COMMD10: variants seen among roughly 807,000 people sequenced by gnomAD.
COMMD10 encodes the protein COMM domain containing 10.
COMMD10 carries 33 observed loss-of-function variants against 28.9 expected under a neutral mutation model. The ratio of observed to expected loss-of-function variants is 1.14; its 90% CI spans 0.87 to 1.53. The LOEUF (loss-of-function observed/expected upper bound fraction) is 1.53, where lower values mean the gene tolerates loss of function less well. Ranked by LOEUF, COMMD10 falls within the 40% of genes most tolerant of loss-of-function variation. COMMD10 has a pLI of 0.00. For synonymous variants in COMMD10, 110 were observed against 81.7 expected (o/e 1.35, Z -1.87); for missense variants, 310 against 233.4 (o/e 1.33, Z -2.14).
Position 116,085,107 on chromosome 5 carries a change from T to G in COMMD10, c.41+14T>G. On this transcript the variant is annotated intron_variant, in intron 1 of 6. Transcript: ENST00000274458. ...GGAGAGCCCCAGGTAGCTGATCCGT[T>G]AAGCTCTTGCGGTAGCCGCGCCCAG... 1.2e-6 allele frequency: 2 copies of G among 1,607,334 alleles called. No individual in the cohort carries two copies. The highest frequency in any genetic ancestry group is 2.2e-5 in the South Asian group (2 of 89,844).
chr5:116,196,404 T>A (rs1007997833), intron 5 of COMMD10, among the ~76,000 whole-genome samples: 1 of 152,052 alleles, frequency 6.6e-6, no homozygotes, highest in Non-Finnish European at 1.5e-5. Flanking sequence ...TGTATACTGC[T>A]TGGGTGATGG....
At chr5:116,088,541 T>G (rs1443783149) in intron 2 of COMMD10, among the ~76,000 whole-genome samples, 1 of 152,218 alleles carries the variant, frequency 6.6e-6, no homozygotes, top group Non-Finnish European at 1.5e-5. Context: ...TAGAAATCCT[T>G]AACATTGCGT....
At chr5:116,181,322 GTGTT>G (rs10602058) in intron 5 of COMMD10, among the ~76,000 whole-genome samples, 16,688 of 151,050 alleles carry the variant, frequency 0.11, 1,324 homozygotes, top group African/African-American at 0.22. Context: ...TGCTTTTGGG[GTGTT>G]TGTTTATCAG....
At chr5:116,228,342 A>G (rs952780715) in intron 5 of COMMD10, among the ~76,000 whole-genome samples, 4 of 151,978 alleles carry the variant, frequency 2.6e-5, no homozygotes, top group African/African-American at 9.7e-5. Flanking sequence ...AGAATTTTAA[A>G]ATTTAAAGTT....
At chr5:116,202,793 G>A (rs1316310063) in intron 5 of COMMD10, among the ~76,000 whole-genome samples, 1 of 151,310 alleles carries the variant, frequency 6.6e-6, no homozygotes, top group African/African-American at 2.4e-5. Flanking sequence ...TTAGCCCTTT[G>A]TCAGATGAGT....
intron 5 of COMMD10, among the ~76,000 whole-genome samples, chr5:116,162,226 TTA>T (rs1752941647): frequency 6.6e-6 from 1 of 152,216 alleles, no homozygotes; most frequent in Non-Finnish European, 1.5e-5. Flanking sequence ...TTGTTTCCAG[TTA>T]TACAGAAGTT....
chr5:116,117,290 G>C (rs1751271978), intron 4 of COMMD10, among the ~76,000 whole-genome samples: 1 of 152,090 alleles, frequency 6.6e-6, no homozygotes, highest in Non-Finnish European at 1.5e-5. Context: ...TAAATATCTA[G>C]TAATGGGGAT....
At chr5:116,099,402 G>A (rs192772961) in intron 4 of COMMD10, among the ~76,000 whole-genome samples, 5 of 147,304 alleles carry the variant, frequency 3.4e-5, no homozygotes, top group Middle Eastern at 3.5e-3. Flanking sequence ...TAATACTGCA[G>A]TGAACATGAG....
At chr5:116,280,983 A>G (rs1219909083) in intron 5 of COMMD10, among the ~76,000 whole-genome samples, 2 of 151,922 alleles carry the variant, frequency 1.3e-5, no homozygotes. Flanking sequence ...GTATTTTTAC[A>G]TTCAACTTGG....
rs187554512 is a variant in COMMD10, at chr5:116,231,812, A to G, written c.511-59705A>G. On this transcript the variant is annotated intron_variant, in intron 5 of 6. Coordinates refer to ENST00000274458, the MANE Select transcript of COMMD10 (RefSeq NM_016144.4). ...ATTAATTGGGAAATAACAGTTGAAC[A>G]TGAATATGGGAGTACTTACTTCAAG... Among the ~76,000 whole-genome samples the G allele has an allele frequency of 2.5e-3, 375 of 152,290 alleles. 1 individual carries two copies. Among genetic ancestry groups the G allele is most frequent in the Admixed American group, 7.8e-3 (120 of 15,296 alleles).
chr5:116,173,224 G>A (rs1471513682), intron 5 of COMMD10, among the ~76,000 whole-genome samples: 3 of 151,998 alleles, frequency 2.0e-5, no homozygotes, highest in Admixed American at 6.6e-5. Flanking sequence ...GAATGCCTTG[G>A]CATTAAACAG....
chr5:116,158,632 A>G (rs1752817597), intron 5 of COMMD10, among the ~76,000 whole-genome samples: 1 of 151,480 alleles, frequency 6.6e-6, no homozygotes, highest in Admixed American at 6.6e-5. Flanking sequence ...ATGGGCCGCC[A>G]TGCTTGGACA....
At chr5:116,180,538 C>T (rs1405987189) in intron 5 of COMMD10, among the ~76,000 whole-genome samples, 2 of 151,716 alleles carry the variant, frequency 1.3e-5, no homozygotes, top group African/African-American at 4.8e-5. Flanking sequence ...ATAATAGTTG[C>T]CTAGACAATA....
Position 116,108,736 on chromosome 5 carries a change from A to AAAACAAAC in COMMD10, c.399+16045_399+16052dup, listed in dbSNP as rs36074819. Reference sequence around the variant, plus strand: ...TTCCAGGTGCCATTGGGGTATGAAAAAAACAAACAAACAAACTCCTGCAGC... The same window carrying AAAACAAAC: ...TTCCAGGTGCCATTGGGGTATGAAAAAAACAAACAAACAAACAAACAAACTCCTGCAGC... On this transcript the variant is annotated intron_variant, in intron 4 of 6. Transcript: ENST00000274458. Among the ~76,000 whole-genome samples the AAAACAAAC allele has an allele frequency of 3.1e-3, 465 of 150,972 alleles. 8 individuals are homozygous for AAAACAAAC. Among genetic ancestry groups the AAAACAAAC allele is most frequent in the Admixed American group, 0.028 (423 of 15,198 alleles).
chr5:116,093,686 G>A (rs1750375732), intron 4 of COMMD10, among the ~76,000 whole-genome samples: 1 of 152,108 alleles, frequency 6.6e-6, no homozygotes. Context: ...CTTAAAATTT[G>A]TATGAAACCA....
At chr5:116,227,376 C>A (rs915525346) in intron 5 of COMMD10, among the ~76,000 whole-genome samples, 4 of 152,024 alleles carry the variant, frequency 2.6e-5, no homozygotes, top group South Asian at 4.1e-4. Context: ...CCTCTTTATT[C>A]TCCATCAGTT....
chr5:116,221,098 T>TA (rs1335169142), intron 5 of COMMD10, among the ~76,000 whole-genome samples: 8 of 133,800 alleles, frequency 6.0e-5, no homozygotes, highest in African/African-American at 2.1e-4. Context: ...TTTTTTTTTT[T>TA]AACTGTTCCA....
At chr5:116,235,386 C>T (rs1223008766) in intron 5 of COMMD10, among the ~76,000 whole-genome samples, 7 of 152,142 alleles carry the variant, frequency 4.6e-5, no homozygotes, top group Non-Finnish European at 1.0e-4. Context: ...CTTTCTTGAA[C>T]AGTTGAAAAG....
At chr5:116,169,850 GAGCTATTTATGACATACCCAC>G (rs1467144443) in intron 5 of COMMD10, among the ~76,000 whole-genome samples, 1 of 152,028 alleles carries the variant, frequency 6.6e-6, no homozygotes, top group Non-Finnish European at 1.5e-5. Context: ...AAAATAATAA[GAGCTATTTATGACATACCCAC>G]AGCCAATATC....
Sources: gnomAD v4.1 joint callset for allele counts (sites outside exome capture counted in the v4.1 genomes callset) on GRCh38, gnomAD v4.1.1 for gene constraint, MANE v1.5 for transcripts, NCBI Gene and HGNC (gene_info 2026-07-23, HGNC 2026-07-21) for gene names.